The following SEMA3E variants were observed in gnomAD, a reference collection of about 807,000 sequenced individuals.
SEMA3E encodes semaphorin 3E, also known as semaphorin-3E.
A neutral mutation model predicts 93.6 loss-of-function variants in SEMA3E; 49 were observed. The observed-to-expected ratio is 0.52, with a 90% confidence interval of 0.42 to 0.66. SEMA3E has a LOEUF of 0.66. SEMA3E is among the 30% of genes least tolerant of loss of function. SEMA3E has a pLI of 0.00. For missense variants in SEMA3E, 906 were observed against 964.8 expected, an observed-to-expected ratio of 0.94 and a Z score of 0.81; for synonymous variants, 363 against 330.7, an observed-to-expected ratio of 1.10 and a Z score of -1.06.
At chr7:83,473,804 C>CT (rs5885356) in intron 2 of SEMA3E, among the ~76,000 whole-genome samples, 21,365 of 151,982 alleles carry the variant, frequency 0.14, 1,589 homozygotes, top group East Asian at 0.22. Flanking sequence ...CAAGATTCAG[C>CT]TTTTTTAGGA....
At chr7:83,504,803 T>G (rs1197249096) in intron 1 of SEMA3E, among the ~76,000 whole-genome samples, 2 of 152,148 alleles carry the variant, frequency 1.3e-5, no homozygotes, top group African/African-American at 4.8e-5. Context: ...CAACTCACAT[T>G]CACAGAAAGG....
intron 5 of SEMA3E, among the ~76,000 whole-genome samples, chr7:83,412,745 C>A (rs1788465247): frequency 1.6e-5 from 2 of 122,158 alleles, no homozygotes; most frequent in Admixed American, 1.9e-4. Flanking sequence ...CGAGCCAGAC[C>A]CTGCCTAAAA....
chr7:83,367,421 CCAGT>C lies in SEMA3E; in HGVS notation c.*161_*164del. 2.9e-6 allele frequency: 2 copies of C among 683,218 alleles called. No homozygotes were observed. The highest frequency in any genetic ancestry group is 5.0e-6 in the Non-Finnish European group (2 of 399,144). The allele number at this position is 683,218 out of a possible 1,614,324, so 42.3% of individuals were successfully genotyped here. A position where few individuals can be genotyped will look rare whatever the true frequency, so the allele number is the denominator to read the frequency against. On this transcript the variant is annotated 3_prime_UTR_variant, in exon 17 of 17. Transcript: ENST00000643230. ...TTAGTTAATTTTATGTAAAGTTTAT[CCAGT>C]CAAATGAGTATGTAGAATAATTTAT...
intron 1 of SEMA3E, among the ~76,000 whole-genome samples, chr7:83,523,192 C>T (rs192384869): frequency 1.1e-3 from 169 of 152,150 alleles, no homozygotes; most frequent in African/African-American, 3.8e-3. Flanking sequence ...GATTCTGCCC[C>T]TTATTATAAT....
rs764542144 is a variant in SEMA3E, at chr7:83,363,316, G to A, written c.*4270C>T. On this transcript the variant is annotated 3_prime_UTR_variant, in exon 17 of 17. Transcript: ENST00000643230. ...GATTGTACATAATGGTACATAGCGC[G>A]TAGTGGCAGATCCACGTTGTAGTCA... is the stretch of plus-strand genomic sequence containing the variant. 1.3e-5 allele frequency: 2 copies of A among 152,260 alleles called. No homozygotes were observed. Among genetic ancestry groups the A allele is most frequent in the Non-Finnish European group, 2.9e-5 (2 of 68,028 alleles). The allele number at this position is 152,260 out of a possible 1,614,324, so 9.4% of individuals were successfully genotyped here. A position where few individuals can be genotyped will look rare whatever the true frequency, so the allele number is the denominator to read the frequency against.
At chr7:83,495,409 C>T (rs868769432) in intron 1 of SEMA3E, among the ~76,000 whole-genome samples, 4 of 151,740 alleles carry the variant, frequency 2.6e-5, no homozygotes, top group Admixed American at 1.3e-4. Flanking sequence ...TCATCTATCT[C>T]ATCCATAAGA....
chr7:83,635,267 AT>A (rs1291815587), intron 1 of SEMA3E, among the ~76,000 whole-genome samples: 1 of 151,784 alleles, frequency 6.6e-6, no homozygotes, highest in African/African-American at 2.4e-5. Context: ...TTCAAAAGAA[AT>A]TATTTTTTCC....
At chr7:83,524,834 C>G (rs1791123271) in intron 1 of SEMA3E, among the ~76,000 whole-genome samples, 1 of 151,856 alleles carries the variant, frequency 6.6e-6, no homozygotes, top group South Asian at 2.1e-4. Flanking sequence ...GTTTCATCAC[C>G]TTAAAGAAAT....
intron 1 of SEMA3E, among the ~76,000 whole-genome samples, chr7:83,604,174 AAGG>A (rs1428401481): frequency 2.6e-5 from 4 of 152,090 alleles, no homozygotes; most frequent in African/African-American, 9.7e-5. Context: ...AAATAGGTTG[AAGG>A]AGGACAGAGA....
At chr7:83,403,984 T>C (rs1414674818) in intron 9 of SEMA3E, among the ~76,000 whole-genome samples, 3 of 151,914 alleles carry the variant, frequency 2.0e-5, no homozygotes, top group Non-Finnish European at 2.9e-5. Flanking sequence ...GAAAGATCCA[T>C]TACGCTATCA....
At chr7:83,482,604 A>AC (rs5885358) in intron 2 of SEMA3E, among the ~76,000 whole-genome samples, 70,347 of 147,432 alleles carry the variant, frequency 0.48, 17,197 homozygotes, top group Middle Eastern at 0.58. Context: ...AAGAAAGCAG[A>AC]CAGTGAAGAG....
rs1165215495 is a variant in SEMA3E at position 83,420,986 on chromosome 7, A to C, written c.457-2503T>G. ...AAACTGACAAGTGGGACCTAATTAAAGAGCTTCTGCACAGCAGGAACTATC... is the reference window on the plus strand; with the variant it reads ...AAACTGACAAGTGGGACCTAATTAACGAGCTTCTGCACAGCAGGAACTATC... On this transcript the variant is annotated intron_variant, in intron 4 of 16. Coordinates refer to ENST00000643230, the MANE Select transcript of SEMA3E (RefSeq NM_012431.3). Among the ~76,000 whole-genome samples the C allele has an allele frequency of 2.8e-5, 4 of 142,694 alleles. 2 individuals are homozygous for C. Among genetic ancestry groups the C allele is most frequent in the Non-Finnish European group, 6.4e-5 (4 of 62,774 alleles). The allele number at this position is 142,694 out of a possible 152,430, so 93.6% of individuals were successfully genotyped here.
chr7:83,448,878 A>T (rs1789292590), intron 4 of SEMA3E, among the ~76,000 whole-genome samples: 1 of 152,028 alleles, frequency 6.6e-6, no homozygotes, highest in Non-Finnish European at 1.5e-5. Flanking sequence ...AAAGCCTCAG[A>T]TTTTTCTTTG....
rs975095677 is a variant in SEMA3E, at chr7:83,385,496, A to G, written c.1736-63T>C. The G allele has an allele frequency of 1.8e-5, 27 of 1,517,622 alleles. No homozygotes were observed. In the African/African-American group the frequency reaches 3.3e-4, roughly 19 times the overall value. 94.0% of individuals were successfully genotyped at this position (1,517,622 alleles called of 1,614,324 possible). On this transcript the variant is annotated intron_variant, in intron 15 of 16. Transcript: ENST00000643230. ...ATTTTATAGGTAAATAAATTTTTCA[A>G]ACATTATTTAGATCCCTGCAGTAAC... is the stretch of plus-strand genomic sequence containing the variant.
At chr7:83,573,086 A>G (rs1477521922) in intron 1 of SEMA3E, among the ~76,000 whole-genome samples, 2 of 152,204 alleles carry the variant, frequency 1.3e-5, no homozygotes, top group Admixed American at 6.5e-5. Flanking sequence ...TTATCCATAG[A>G]GTAAACATAC....
At chr7:83,417,920 A>T (rs2709895) in intron 5 of SEMA3E, among the ~76,000 whole-genome samples, 1 of 151,858 alleles carries the variant, frequency 6.6e-6, no homozygotes, top group East Asian at 1.9e-4. Context: ...ACAGAAATTT[A>T]GATAAATAAA....
intron 4 of SEMA3E, among the ~76,000 whole-genome samples, chr7:83,455,959 T>C (rs535606936): frequency 6.6e-6 from 1 of 152,338 alleles, no homozygotes; most frequent in South Asian, 2.1e-4. Flanking sequence ...TTGGGAGACC[T>C]TTAGCAGAGG....
intron 4 of SEMA3E, among the ~76,000 whole-genome samples, chr7:83,463,409 T>G (rs1213072385): frequency 6.6e-6 from 1 of 152,198 alleles, no homozygotes; most frequent in African/African-American, 2.4e-5. Context: ...ATCTATTTTC[T>G]TCCTCATACC....
intron 1 of SEMA3E, among the ~76,000 whole-genome samples, chr7:83,601,467 A>C (rs752131063): frequency 1.3e-5 from 2 of 151,930 alleles, no homozygotes; most frequent in African/African-American, 2.4e-5. Flanking sequence ...TGGAGAATGC[A>C]CACAAGTTTT....
Sources: allele counts gnomAD v4.1 joint callset (sites outside exome capture counted in the v4.1 genomes callset), GRCh38; gene constraint gnomAD v4.1.1; transcripts MANE v1.5; gene names NCBI Gene and HGNC (gene_info 2026-07-23, HGNC 2026-07-21).